The following VPS8 variants were observed in gnomAD, a reference collection of about 807,000 sequenced individuals.
VPS8 encodes the protein VPS8 subunit of CORVET complex, also known as vacuolar protein sorting-associated protein 8 homolog.
Under a neutral mutation model 216.4 loss-of-function variants are expected in VPS8, and 129 were observed. That is an observed-to-expected ratio of 0.60 (90% CI 0.52 to 0.69). The LOEUF is 0.69. Ranked by LOEUF, VPS8 falls within the 30% of genes least tolerant of loss-of-function variation. VPS8 has a pLI of 0.00. For synonymous variants in VPS8, 571 were observed against 565.4 expected (o/e 1.01, Z -0.14); for missense variants, 1,531 against 1,683.5 (o/e 0.91, Z 1.59).
At chr3:184,838,848 A>C in intron 6 of VPS8, 102 bp downstream of exon 6, 4 of 914,142 alleles carry the variant, frequency 4.4e-6, no homozygotes, top group African/African-American at 1.7e-5. Context: ...TGTTATGGTA[A>C]TAAATTCACA....
intron 37 of VPS8, among the ~76,000 whole-genome samples, chr3:184,960,922 C>G (rs1746397894): frequency 6.6e-6 from 1 of 152,178 alleles, no homozygotes; most frequent in African/African-American, 2.4e-5. Context: ...TAGTCTGACT[C>G]TGTAGTGCAT....
rs374280520 is a variant in VPS8 at position 184,996,290 on chromosome 3, A to G, written c.3667-42A>G. On this transcript the variant is annotated intron_variant, in intron 43 of 47. Transcript: ENST00000625842. ...TCATCTCCTCTATCTCTTTCATCTT[A>G]TAACCTTTTGTTTGTTTGTTTTTTG... is the stretch of plus-strand genomic sequence containing the variant. 98 of 1,556,112 alleles carry G rather than the reference A, an allele frequency of 6.3e-5. No individual in the cohort carries two copies. In the Middle Eastern group the frequency reaches 6.9e-4, roughly 11 times the overall value.
At chr3:184,849,264 C>T in intron 9 of VPS8, 69 bp downstream of exon 9, 1 of 1,553,720 alleles carries the variant, frequency 6.4e-7, no homozygotes, top group Non-Finnish European at 8.7e-7. Flanking sequence ...AAACTTACAT[C>T]TTAGATCAAA....
intron 20 of VPS8, 97 bp downstream of exon 20, chr3:184,869,625 C>A: frequency 8.2e-7 from 1 of 1,225,424 alleles, no homozygotes; most frequent in South Asian, 1.3e-5. Context: ...TGGCTACAAT[C>A]TAGAAGAGAG....
At chr3:184,929,783 TA>T in intron 33 of VPS8, 119 bp downstream of exon 33, 1 of 561,034 alleles carries the variant, frequency 1.8e-6, no homozygotes, top group Non-Finnish European at 3.0e-6. Flanking sequence ...CATTGATAAT[TA>T]AAACAGATAC....
intron 36 of VPS8, among the ~76,000 whole-genome samples, chr3:184,955,979 AG>A (rs1450636479): frequency 2.6e-5 from 4 of 151,366 alleles, no homozygotes; most frequent in Admixed American, 2.6e-4. Flanking sequence ...AAAAAAAAAA[AG>A]AACACTCTTT....
intron 11 of VPS8, among the ~76,000 whole-genome samples, chr3:184,853,464 C>T (rs1425778468): frequency 6.6e-6 from 1 of 152,140 alleles, no homozygotes; most frequent in African/African-American, 2.4e-5. Context: ...ATATTCCAGG[C>T]AGAGACCATT....
chr3:184,826,058 G>A (rs1379496850), intron 2 of VPS8, 105 bp from the exon 3 acceptor site: 2 of 751,270 alleles, frequency 2.7e-6, no homozygotes, highest in Non-Finnish European at 4.2e-6. Context: ...CATTTTGGTG[G>A]TAAGTTTGTC....
rs1044436264 is a variant in VPS8, at chr3:184,964,654, G to A, written c.3273+97G>A. 3.3e-5 allele frequency: 22 copies of A among 661,044 alleles called. No homozygotes were observed. In the Admixed American group the frequency reaches 3.5e-4, roughly 11 times the overall value. The allele number at this position is 661,044 out of a possible 1,614,324, so 40.9% of individuals were successfully genotyped here. ...TATGTTTCAAAGCCAGTTGCAGACCGTAATATATTTTACCCCTGAATATTT... is the reference window on the plus strand; with the variant it reads ...TATGTTTCAAAGCCAGTTGCAGACCATAATATATTTTACCCCTGAATATTT... On this transcript the variant is annotated intron_variant, in intron 38 of 47. Transcript: ENST00000625842.
At chr3:184,998,480 TA>T in intron 44 of VPS8, among the ~76,000 whole-genome samples, 1 of 270 alleles carries the variant, frequency 3.7e-3, no homozygotes, top group Non-Finnish European at 7.4e-3. Context: ...AGAGGAAGTT[TA>T]TATATATATA....
intron 36 of VPS8, among the ~76,000 whole-genome samples, chr3:184,945,280 C>T (rs1488050617): frequency 6.6e-6 from 1 of 151,816 alleles, no homozygotes; most frequent in African/African-American, 2.4e-5. Flanking sequence ...AACCTCTTCT[C>T]TCTTAACAAT....
chr3:185,035,938 A>G (rs1185113067), intron 46 of VPS8, among the ~76,000 whole-genome samples: 1 of 152,234 alleles, frequency 6.6e-6, no homozygotes, highest in Non-Finnish European at 1.5e-5. Context: ...ATGTACAAAA[A>G]TCAGTAGCAT....
chr3:184,950,569 C>G (rs1479356722), intron 36 of VPS8, among the ~76,000 whole-genome samples: 1 of 152,000 alleles, frequency 6.6e-6, no homozygotes, highest in Non-Finnish European at 1.5e-5. Context: ...GTTAGGAAGT[C>G]AAAATTTGAA....
chr3:184,965,956 A>G (rs150296947), intron 38 of VPS8, among the ~76,000 whole-genome samples: 5 of 152,338 alleles, frequency 3.3e-5, no homozygotes, highest in Non-Finnish European at 5.9e-5. Context: ...CTCATAACCC[A>G]GTATATTACA....
chr3:184,889,251 C>A (rs1731883309), intron 22 of VPS8, among the ~76,000 whole-genome samples: 2 of 152,016 alleles, frequency 1.3e-5, no homozygotes, highest in Non-Finnish European at 2.9e-5. Flanking sequence ...TATAATTTTT[C>A]CTGATTCCTT....
Position 184,824,711 on chromosome 3 carries a change from T to C in VPS8, c.79T>C (p.Phe27Leu), listed in dbSNP as rs1350555932. 4 of 1,613,804 alleles carry C rather than the reference T, an allele frequency of 2.5e-6. No individual in the cohort carries two copies. In the Admixed American group the frequency reaches 5.0e-5, roughly 20 times the overall value. ...GAGCGAAGAAGAGCTGAATAAGTCT[T>C]TCAATCTAGAAGCTTCACTTTCAAA... The part of the protein sequence containing the change: ...KTSEEELNKS[F>L]NLEASLSKFS... Residue 27 changes from phenylalanine (F) to leucine (L), a missense_variant, in exon 2 of 48, where the codon TTC becomes CTC. Transcript: ENST00000625842.
intron 43 of VPS8, among the ~76,000 whole-genome samples, 158 bp downstream of exon 43, chr3:184,994,221 G>T (rs779338003): frequency 6.6e-6 from 1 of 151,804 alleles, no homozygotes; most frequent in Non-Finnish European, 1.5e-5. Flanking sequence ...TTTTTCTCTC[G>T]CCAGGCATGG....
intron 37 of VPS8, among the ~76,000 whole-genome samples, chr3:184,961,035 A>AT (rs1746418496): frequency 6.6e-6 from 1 of 152,220 alleles, no homozygotes; most frequent in Admixed American, 6.5e-5. Flanking sequence ...AACCAACTCA[A>AT]TAAGCATAGA....
intron 26 of VPS8, among the ~76,000 whole-genome samples, chr3:184,914,137 A>G (rs959528136): frequency 1.3e-5 from 2 of 152,246 alleles, no homozygotes; most frequent in Non-Finnish European, 2.9e-5. Context: ...TTTGTCAGGA[A>G]GGTGGCAGAA....
Sources: allele counts gnomAD v4.1 joint callset (sites outside exome capture counted in the v4.1 genomes callset), GRCh38; gene constraint gnomAD v4.1.1; transcripts MANE v1.5; gene names NCBI Gene and HGNC (gene_info 2026-07-23, HGNC 2026-07-21).